The following SH2D3C variants were observed in gnomAD, a reference collection of about 807,000 sequenced individuals.
SH2D3C encodes SH2 domain containing 3C, also known as SH2 domain-containing protein 3C.
SH2D3C carries 25 observed loss-of-function variants against 75.2 expected under a neutral mutation model. The observed-to-expected ratio is 0.33, with a 90% CI of 0.24 to 0.46. SH2D3C has a LOEUF of 0.46. Ranked by LOEUF, SH2D3C falls within the 20% of genes least tolerant of loss-of-function variation. The pLI is 1.00. For synonymous variants in SH2D3C, 450 were observed against 473.7 expected (o/e 0.95, Z 0.65); for missense variants, 933 against 1,165.3 (o/e 0.80, Z 2.90).
intron 5 of SH2D3C, among the ~76,000 whole-genome samples, chr9:127,747,707 T>G (rs1222355908): frequency 6.6e-6 from 1 of 151,934 alleles, no homozygotes; most frequent in Non-Finnish European, 1.5e-5. Flanking sequence ...CGTGGCTAAT[T>G]TTTTGTATTT....
rs368640738 is a variant in SH2D3C at position 127,740,213 on chromosome 9, C to T, written c.2200+45G>A. 6 of 1,514,596 alleles carry T rather than the reference C, an allele frequency of 4.0e-6. No homozygotes were observed. In the African/African-American group the frequency reaches 6.8e-5, roughly 17 times the overall value. 93.8% of individuals were successfully genotyped at this position (1,514,596 alleles called of 1,614,324 possible). A position where few individuals can be genotyped will look rare whatever the true frequency, so the allele number is the denominator to read the frequency against. ...TCCATGCTGGGAGTCTTTGCAACCC[C>T]AGGGAGGGCTGCAGCCTGTCCAAGG... On this transcript the variant is annotated intron_variant, in intron 10 of 11. Coordinates refer to ENST00000314830, the MANE Select transcript of SH2D3C (RefSeq NM_170600.3).
chr9:127,766,665 G>A (rs1207165883), intron 2 of SH2D3C, among the ~76,000 whole-genome samples: 1 of 152,180 alleles, frequency 6.6e-6, no homozygotes, highest in East Asian at 1.9e-4. Context: ...TGCCTCCCGG[G>A]TTCAAGTGAT....
At chr9:127,744,366 G>A (rs767993542) in intron 7 of SH2D3C, among the ~76,000 whole-genome samples, 198 bp downstream of exon 7, 1 of 152,060 alleles carries the variant, frequency 6.6e-6, no homozygotes, top group Non-Finnish European at 1.5e-5. Flanking sequence ...TACCACCCCC[G>A]GCCTTTTTAA....
At chr9:127,762,243 AGGCCAGAGGCCAGAGAC>A (rs964423917) in intron 2 of SH2D3C, 4 of 1,208,710 alleles carry the variant, frequency 3.3e-6, no homozygotes, top group Non-Finnish European at 4.2e-6. Flanking sequence ...GAGCCTGGAG[AGGCCAGAGGCCAGAGAC>A]GGCTGTTTTT....
chr9:127,748,581 G>T (rs1845103170), intron 5 of SH2D3C, among the ~76,000 whole-genome samples: 1 of 152,152 alleles, frequency 6.6e-6, no homozygotes, highest in African/African-American at 2.4e-5. Flanking sequence ...CTACAAATTG[G>T]GTGTATGGGC....
intron 2 of SH2D3C, chr9:127,771,282 T>C (rs1845733188): frequency 1.3e-6 from 2 of 1,517,636 alleles, no homozygotes; most frequent in Admixed American, 2.2e-5. Context: ...ACCCAGCGGC[T>C]CCTGCCTTTC....
chr9:127,755,751 C>A (rs1171503977), intron 3 of SH2D3C, among the ~76,000 whole-genome samples: 1 of 152,124 alleles, frequency 6.6e-6, no homozygotes, highest in Non-Finnish European at 1.5e-5. Context: ...GTGCAGAGAG[C>A]CAGTAAAGCC....
At position 127,749,678 on chromosome 9, in the gene SH2D3C, T is replaced by C. The variant is rs375435631; in HGVS notation, c.685-13A>G. On this transcript the variant is annotated splice_polypyrimidine_tract_variant and intron_variant, in intron 4 of 11. Transcript: ENST00000314830. The surrounding 1 kb of genome is among the most constrained non-coding windows in gnomAD (Gnocchi z 5.9). Reference sequence around the variant, plus strand: ...AGGTCTCCGAGACCTGCAGAAGGCATGGTTAGGCTGGAGTAGGGTGGGGCC... The same window carrying C: ...AGGTCTCCGAGACCTGCAGAAGGCACGGTTAGGCTGGAGTAGGGTGGGGCC... 7 of 1,519,320 alleles carry C rather than the reference T, an allele frequency of 4.6e-6. No homozygotes were observed. The Admixed American group carries it at 1.2e-4, about 26-fold the overall frequency. 94.1% of individuals were successfully genotyped at this position (1,519,320 alleles called of 1,614,324 possible). A position where few individuals can be genotyped will look rare whatever the true frequency, so the allele number is the denominator to read the frequency against.
At position 127,739,912 on chromosome 9, in the gene SH2D3C, G is replaced by A. The variant is rs764630266; in HGVS notation, c.2201-24C>T. 1.4e-5 allele frequency: 21 copies of A among 1,495,366 alleles called. 1 individual carries two copies. Among genetic ancestry groups the A allele is most frequent in the Middle Eastern group, 1.8e-4 (1 of 5,564 alleles). 92.6% of individuals were successfully genotyped at this position (1,495,366 alleles called of 1,614,324 possible). ...TTCTGCAAGGAGAAAGGCAGCAGGCGCTTAAAGATCCTGTAGTGCCCCACC... is the reference window on the plus strand; with the variant it reads ...TTCTGCAAGGAGAAAGGCAGCAGGCACTTAAAGATCCTGTAGTGCCCCACC... On this transcript the variant is annotated intron_variant, in intron 10 of 11. Coordinates refer to ENST00000314830, the MANE Select transcript of SH2D3C (RefSeq NM_170600.3). This position sits in a 1 kb window ranked among gnomAD's most constrained non-coding sequence, Gnocchi z 4.3.
At chr9:127,757,103 A>ATT (rs1169901282) in intron 3 of SH2D3C, among the ~76,000 whole-genome samples, 15 of 122,660 alleles carry the variant, frequency 1.2e-4, no homozygotes, top group South Asian at 7.9e-4. Flanking sequence ...TGCTTGGCTA[A>ATT]TTTTTTTTTT....
Position 127,751,689 on chromosome 9 carries a change from C to T in SH2D3C, c.556-389G>A, listed in dbSNP as rs60742084. Among the ~76,000 whole-genome samples, 1 of 152,122 alleles carries T rather than the reference C, an allele frequency of 6.6e-6. No individual in the cohort carries two copies. Among genetic ancestry groups the T allele is most frequent in the South Asian group, 2.1e-4 (1 of 4,824 alleles). Reference sequence around the variant, plus strand: ...TTACAAGCGGGATTAAGCCTGGGCACGACAGAGGGGTCTCGGAAGCCTTCC... The same window carrying T: ...TTACAAGCGGGATTAAGCCTGGGCATGACAGAGGGGTCTCGGAAGCCTTCC... On this transcript the variant is annotated intron_variant, in intron 3 of 11. Coordinates refer to ENST00000314830, the MANE Select transcript of SH2D3C (RefSeq NM_170600.3). The surrounding 1 kb of genome is among the most constrained non-coding windows in gnomAD (Gnocchi z 4.1).
chr9:127,740,814 G>A (rs1844833127), intron 9 of SH2D3C, among the ~76,000 whole-genome samples: 1 of 152,308 alleles, frequency 6.6e-6, no homozygotes. Flanking sequence ...CCGAGTAGCT[G>A]AGACTACAGA....
At chr9:127,767,222 G>A (rs1564424092) in intron 2 of SH2D3C, 8 of 1,508,888 alleles carry the variant, frequency 5.3e-6, no homozygotes, top group Non-Finnish European at 5.3e-6. Context: ...TCTTCCCAGA[G>A]CGGAGCTGAG....
At chr9:127,768,221 T>A (rs1376283682) in intron 2 of SH2D3C, among the ~76,000 whole-genome samples, 2 of 152,234 alleles carry the variant, frequency 1.3e-5, no homozygotes, top group African/African-American at 4.8e-5. Flanking sequence ...GACGTCACCC[T>A]GCAGGGCCGA....
At position 127,749,354 on chromosome 9, in the gene SH2D3C, A is replaced by G; in HGVS notation, c.996T>C (p.Tyr332=). The G allele has an allele frequency of 5.6e-6, 9 of 1,613,730 alleles. No homozygotes were observed. Among genetic ancestry groups the G allele is most frequent in the Non-Finnish European group, 7.6e-6 (9 of 1,179,886 alleles). Reference sequence around the variant, plus strand: ...GCTTGCTACTCCCCTGTCCCAGGCCATAGCTGGCCTCGAGGTAGCGCAGTG... The same window carrying G: ...GCTTGCTACTCCCCTGTCCCAGGCCGTAGCTGGCCTCGAGGTAGCGCAGTG... ...TFPLRYLEAS[Y]GLGQGSSKPA... is the part of the protein sequence containing the mutation. The change falls in exon 5 of 12, where the codon TAT becomes TAC. Residue 332 remains tyrosine (Y), a synonymous_variant. Transcript: ENST00000314830. This position sits in a 1 kb window ranked among gnomAD's most constrained non-coding sequence, Gnocchi z 5.9.
In SH2D3C at chr9:127,774,687, A is replaced by G. The variant is rs1845784625; in HGVS notation, c.38-220T>C. ...TTGAATTCCTGCTCTTTCACATCCT[A>G]GCTGTGTGACCTTAGGCAAGTCACT... On this transcript the variant is annotated intron_variant, in intron 1 of 11. Transcript: ENST00000314830. This position sits in a 1 kb window ranked among gnomAD's most constrained non-coding sequence, Gnocchi z 4.3. 6.6e-6 allele frequency among the ~76,000 whole-genome samples: 1 copy of G among 152,140 alleles called. No homozygotes were observed.
chr9:127,772,232 C>T (rs1845750376), intron 2 of SH2D3C, among the ~76,000 whole-genome samples: 1 of 147,494 alleles, frequency 6.8e-6, no homozygotes, highest in African/African-American at 2.5e-5. Flanking sequence ...TACTTTTGCT[C>T]AGGTGGCTTT....
chr9:127,748,786 G>C (rs970557150), intron 5 of SH2D3C, among the ~76,000 whole-genome samples: 4 of 152,246 alleles, frequency 2.6e-5, no homozygotes, highest in Admixed American at 6.5e-5. Context: ...TGATTTGCAT[G>C]CTGTAAAGCC....
intron 2 of SH2D3C, chr9:127,771,098 T>G: frequency 9.4e-7 from 1 of 1,068,974 alleles, no homozygotes. Flanking sequence ...CGCCCCCAAA[T>G]TTGTCAGCTG....
Sources: gnomAD v4.1 joint callset for allele counts (sites outside exome capture counted in the v4.1 genomes callset) on GRCh38, gnomAD v4.1.1 for gene constraint, Gnocchi (gnomAD v3.1) non-coding constraint, MANE v1.5 for transcripts, NCBI Gene and HGNC (gene_info 2026-07-23, HGNC 2026-07-21) for gene names.